The following FBF1 variants were observed in gnomAD, a reference collection of about 807,000 sequenced individuals.
FBF1 encodes the protein Fas binding factor 1.
In FBF1, 119 loss-of-function variants were observed where a neutral mutation model predicts 147.2. That is an observed-to-expected ratio of 0.81 (90% confidence interval 0.70 to 0.94). The LOEUF (loss-of-function observed/expected upper bound fraction) is 0.94. Among genes scored for constraint, FBF1 ranks in the 40% least tolerant of loss-of-function variants. FBF1 has a pLI of 0.00. For synonymous variants in FBF1, 601 were observed against 609.0 expected, an observed-to-expected ratio of 0.99 and a Z score of 0.19; for missense variants, 1,449 against 1,500.8, an observed-to-expected ratio of 0.97 and a Z score of 0.57.
chr17:75,922,576 A>C lies in FBF1; in HGVS notation c.1425-530T>G. Among the ~76,000 whole-genome samples the C allele has an allele frequency of 6.6e-6, 1 of 151,762 alleles. No individual in the cohort carries two copies. The highest frequency in any genetic ancestry group is 1.5e-5 in the Non-Finnish European group (1 of 67,926). ...GGGTGATGTCCCTGGGCTGTCACAA[A>C]TTGCCCAGTTCACTCCCCTGGGCTC... On this transcript the variant is annotated intron_variant, in intron 14 of 29. Transcript: ENST00000636174. This position sits in a 1 kb window ranked among gnomAD's most constrained non-coding sequence, Gnocchi z 5.0.
intron 28 of FBF1, chr17:75,913,488 CAG>C: frequency 2.1e-6 from 1 of 472,630 alleles, no homozygotes; most frequent in Non-Finnish European, 3.7e-6. Flanking sequence ...TTCCTGAGTC[CAG>C]AGTTACAAAA....
In FBF1 at chr17:75,910,912, TC is replaced by T; in HGVS notation, c.3364-107del. The T allele has an allele frequency of 1.1e-6, 1 of 923,866 alleles. No individual in the cohort carries two copies. The allele number at this position is 923,866 out of a possible 1,614,324, so 57.2% of individuals were successfully genotyped here. On this transcript the variant is annotated intron_variant, in intron 29 of 29. Coordinates refer to ENST00000636174, the MANE Select transcript of FBF1 (RefSeq NM_001319193.2). This position sits in a 1 kb window ranked among gnomAD's most constrained non-coding sequence, Gnocchi z 4.1. The stretch of plus-strand genomic sequence containing the variant: ...GTCACTGAGGCCCCTCCCCACATCG[TC>T]CCTGACTCTGCCTGGCTCTGGGAGT...
chr17:75,933,538 T>C (rs747075212), intron 4 of FBF1, among the ~76,000 whole-genome samples: 20 of 152,166 alleles, frequency 1.3e-4, no homozygotes, highest in Admixed American at 9.8e-4. Flanking sequence ...GCCACTGCAC[T>C]CCAGCCTGGG....
intron 8 of FBF1, 117 bp from the exon 9 acceptor site, chr17:75,927,649 G>T: frequency 1.2e-6 from 1 of 853,960 alleles, no homozygotes; most frequent in Non-Finnish European, 1.9e-6. Flanking sequence ...GAAGCTGGGG[G>T]CTCATGGCCA....
At position 75,914,197 on chromosome 17, in the gene FBF1, C is replaced by G. The variant is rs1342967430; in HGVS notation, c.2916G>C (p.Arg972=). 6.3e-7 allele frequency: 1 copy of G among 1,594,916 alleles called. No homozygotes were observed. The highest frequency in any genetic ancestry group is 1.3e-5 in the African/African-American group (1 of 74,792). ...AALEQERQEL[R]LEKERINATA... is the part of the protein sequence containing the mutation. ...TGGCGTTGATCCTCTCCTTCTCCAG[C>G]CGCAGCTCCTGCCGCTCCTGCTCCA... Residue 972 remains arginine, a synonymous_variant, in exon 26 of 30, where the codon CGG becomes CGC. Transcript: ENST00000636174.
At position 75,937,392 on chromosome 17, in the gene FBF1, G is replaced by A. The variant is rs145796395; in HGVS notation, c.31+174C>T. Among the ~76,000 whole-genome samples, 1,250 of 152,082 alleles carry A rather than the reference G, an allele frequency of 8.2e-3. 12 individuals carry two copies. Among genetic ancestry groups the A allele is most frequent in the African/African-American group, 0.026 (1,057 of 41,446 alleles). On this transcript the variant is annotated intron_variant, in intron 3 of 29. Transcript: ENST00000636174. ...TCATCGTGTTAGCCAGGATGGTCTC[G>A]ATCTCCTGACCTCATGATCCACCCA...
chr17:75,938,591 A>G (rs1346216812), intron 1 of FBF1, among the ~76,000 whole-genome samples: 1 of 148,608 alleles, frequency 6.7e-6, no homozygotes, highest in Non-Finnish European at 1.5e-5. Context: ...ACCGGGCGCG[A>G]TGGCTCATGC....
chr17:75,910,550 C>G lies in FBF1; in HGVS notation c.*173G>C, dbSNP rs2065450743. ...ACAGAGCCCCAGAGGCAGGGGCTGCCCCGGGCTGGCACATTTGGAAAGGAT... is the reference window on the plus strand; with the variant it reads ...ACAGAGCCCCAGAGGCAGGGGCTGCGCCGGGCTGGCACATTTGGAAAGGAT... On this transcript the variant is annotated 3_prime_UTR_variant, in exon 30 of 30. Transcript: ENST00000636174. This position sits in a 1 kb window ranked among gnomAD's most constrained non-coding sequence, Gnocchi z 4.1. The G allele has an allele frequency of 1.6e-6, 1 of 613,330 alleles. No homozygotes were observed. The highest frequency in any genetic ancestry group is 1.9e-5 in the African/African-American group (1 of 53,986). 38.0% of individuals were successfully genotyped at this position (613,330 alleles called of 1,614,324 possible).
intron 5 of FBF1, among the ~76,000 whole-genome samples, chr17:75,931,830 T>C (rs570711571): frequency 5.9e-5 from 9 of 151,780 alleles, no homozygotes; most frequent in African/African-American, 1.9e-4. Context: ...CTGCTCCAGA[T>C]CACAAGAGGG....
intron 7 of FBF1, 26 bp downstream of exon 7, chr17:75,929,971 A>G (rs1003344082): frequency 2.3e-6 from 2 of 871,422 alleles, no homozygotes; most frequent in Non-Finnish European, 3.1e-6. Flanking sequence ...CCCCAGTTCT[A>G]AGAATCGTGC....
In FBF1 at chr17:75,917,746, G is replaced by A. The variant is rs150139322; in HGVS notation, c.2491C>T (p.Arg831Trp). 28 of 1,599,796 alleles carry A rather than the reference G, an allele frequency of 1.8e-5. No individual in the cohort carries two copies. The highest frequency in any genetic ancestry group is 4.5e-5 in the East Asian group (2 of 44,224). Residue 831 changes from arginine to tryptophan, a missense_variant, in exon 23 of 30, where the codon CGG becomes TGG. Coordinates refer to ENST00000636174, the MANE Select transcript of FBF1 (RefSeq NM_001319193.2). ...ACGGGCCTCACCTGCTCCAGCAGCC[G>A]GCTCTGCTCATTCAGCCGTGCCTCC... ...KMEARLNEQS[R>W]LLEQERWRVT...
At position 75,922,559 on chromosome 17, in the gene FBF1, T is replaced by C. The variant is rs1169046924; in HGVS notation, c.1425-513A>G. Among the ~76,000 whole-genome samples, 3 of 152,132 alleles carry C rather than the reference T, an allele frequency of 2.0e-5. No individual in the cohort carries two copies. The highest frequency in any genetic ancestry group is 4.4e-5 in the Non-Finnish European group (3 of 68,016). ...TCATCAACCCCAGGACAGGGTGATG[T>C]CCCTGGGCTGTCACAAATTGCCCAG... On this transcript the variant is annotated intron_variant, in intron 14 of 29. Coordinates refer to ENST00000636174, the MANE Select transcript of FBF1 (RefSeq NM_001319193.2). This position sits in a 1 kb window ranked among gnomAD's most constrained non-coding sequence, Gnocchi z 5.0.
intron 3 of FBF1, among the ~76,000 whole-genome samples, chr17:75,936,646 C>T (rs2065626960): frequency 6.6e-6 from 1 of 151,858 alleles, no homozygotes; most frequent in Non-Finnish European, 1.5e-5. Flanking sequence ...TTGCACTCTA[C>T]CCCGGGCAAC....
chr17:75,928,565 C>A lies in FBF1; in HGVS notation c.280-372G>T, dbSNP rs1281045707. ...CGGTGGCTCATGCCTAGAATCCCAG[C>A]ACTTTGGGCCGAGGCAGGTGGATCA... is the stretch of plus-strand genomic sequence containing the variant. On this transcript the variant is annotated intron_variant, in intron 7 of 29. Transcript: ENST00000636174. This position sits in a 1 kb window ranked among gnomAD's most constrained non-coding sequence, Gnocchi z 4.2. Among the ~76,000 whole-genome samples the A allele has an allele frequency of 6.6e-6, 1 of 152,032 alleles. No individual in the cohort carries two copies. The highest frequency in any genetic ancestry group is 1.5e-5 in the Non-Finnish European group (1 of 68,014).
At position 75,922,760 on chromosome 17, in the gene FBF1, A is replaced by G. The variant is rs1200533602; in HGVS notation, c.1424+426T>C. The stretch of plus-strand genomic sequence containing the variant: ...TATGTCTCCTCTAACACTCTCAAAG[A>G]GCACAGGGACATCTCAGCTCACACA... On this transcript the variant is annotated intron_variant, in intron 14 of 29. Coordinates refer to ENST00000636174, the MANE Select transcript of FBF1 (RefSeq NM_001319193.2). This position sits in a 1 kb window ranked among gnomAD's most constrained non-coding sequence, Gnocchi z 5.0. 2.0e-5 allele frequency among the ~76,000 whole-genome samples: 3 copies of G among 152,180 alleles called. No individual in the cohort carries two copies. The highest frequency in any genetic ancestry group is 4.8e-5 in the African/African-American group (2 of 41,440).
chr17:75,927,600 T>C (rs566401280), intron 8 of FBF1, 68 bp from the exon 9 acceptor site: 4 of 1,435,838 alleles, frequency 2.8e-6, no homozygotes, highest in Non-Finnish European at 2.9e-6. Context: ...TCCCATATCA[T>C]GGACTGGGGC....
At chr17:75,937,776 G>A (rs1391270662) in intron 2 of FBF1, 183 bp from the exon 3 acceptor site, 15 of 711,898 alleles carry the variant, frequency 2.1e-5, no homozygotes, top group Non-Finnish European at 2.9e-5. Flanking sequence ...CATTCAGAGC[G>A]TGGAAACAGC....
chr17:75,935,760 G>A (rs1015678307), intron 3 of FBF1, 87 bp from the exon 4 acceptor site: 9 of 1,294,782 alleles, frequency 7.0e-6, no homozygotes, highest in South Asian at 1.4e-5. Flanking sequence ...GCCAGAAGGC[G>A]TCAGACCTTT....
intron 4 of FBF1, 130 bp from the exon 5 acceptor site, chr17:75,933,218 T>C (rs1419430036): frequency 3.3e-6 from 2 of 606,998 alleles, no homozygotes; most frequent in Non-Finnish European, 5.7e-6. Context: ...AATAGGCAGG[T>C]CCCAATGTCA....
Sources: allele counts gnomAD v4.1 joint callset (sites outside exome capture counted in the v4.1 genomes callset), GRCh38; gene constraint gnomAD v4.1.1; non-coding constraint Gnocchi (gnomAD v3.1); transcripts MANE v1.5; gene names NCBI Gene and HGNC (gene_info 2026-07-23, HGNC 2026-07-21).